HECW2: variants seen among roughly 807,000 people sequenced by gnomAD.
The protein encoded by HECW2 is HECT, C2 and WW domain containing E3 ubiquitin protein ligase 2, also known as E3 ubiquitin-protein ligase HECW2.
In HECW2, 61 loss-of-function variants were observed where a neutral mutation model predicts 175.2. That is an observed-to-expected ratio of 0.35 (90% CI 0.28 to 0.43). HECW2 has a LOEUF of 0.43. HECW2 is among the 20% of genes least tolerant of loss of function. HECW2 has a pLI of 1.00. For missense variants in HECW2, 1,524 were observed against 2,000.5 expected (o/e 0.76, Z 4.54); for synonymous variants, 671 against 731.0 (o/e 0.92, Z 1.32).
chr2:196,269,518 A>AAAAAAAAAAAAT (rs1689648013), intron 17 of HECW2: 1 of 150,974 alleles, frequency 6.6e-6, no homozygotes, highest in African/African-American at 2.4e-5. Context: ...AAAAAAAAAA[A>AAAAAAAAAAAAT]AAAGACATGA....
At chr2:196,495,429 A>G (rs1687356917) in intron 1 of HECW2, among the ~76,000 whole-genome samples, 1 of 152,190 alleles carries the variant, frequency 6.6e-6, no homozygotes, top group Non-Finnish European at 1.5e-5. Flanking sequence ...TATGTAACAT[A>G]AAAATACCAT....
chr2:196,279,629 G>C (rs1300753987), intron 14 of HECW2, among the ~76,000 whole-genome samples: 4 of 152,058 alleles, frequency 2.6e-5, no homozygotes, highest in Non-Finnish European at 5.9e-5. Context: ...GCTTCTCATG[G>C]CTATCCATTG....
At chr2:196,372,507 G>A (rs1693935861) in intron 2 of HECW2, among the ~76,000 whole-genome samples, 1 of 152,178 alleles carries the variant, frequency 6.6e-6, no homozygotes, top group Admixed American at 6.5e-5. Flanking sequence ...TAAACATGGT[G>A]TTTATAAAAG....
At chr2:196,314,457 T>C (rs901293511) in intron 10 of HECW2, among the ~76,000 whole-genome samples, 28 of 152,232 alleles carry the variant, frequency 1.8e-4, no homozygotes, top group African/African-American at 6.8e-4. Flanking sequence ...GGCCCTTCCC[T>C]TCCAATCTCA....
chr2:196,254,405 T>G (rs1688971611), intron 18 of HECW2, among the ~76,000 whole-genome samples: 1 of 152,252 alleles, frequency 6.6e-6, no homozygotes, highest in African/African-American at 2.4e-5. Context: ...ATGTTCTATA[T>G]CCTCATTCCA....
At chr2:196,494,267 CGGGGGCT>C (rs1687303083) in intron 1 of HECW2, among the ~76,000 whole-genome samples, 1 of 152,044 alleles carries the variant, frequency 6.6e-6, no homozygotes, top group Non-Finnish European at 1.5e-5. Context: ...GATATGCTGG[CGGGGGCT>C]GGGAAGAGCC....
At chr2:196,439,110 A>G (rs1459415967) in intron 1 of HECW2, among the ~76,000 whole-genome samples, 2 of 152,224 alleles carry the variant, frequency 1.3e-5, no homozygotes, top group African/African-American at 4.8e-5. Flanking sequence ...TACCTATTAA[A>G]TGGAAGTAAT....
intron 2 of HECW2, among the ~76,000 whole-genome samples, chr2:196,424,134 T>C (rs1695479252): frequency 6.6e-6 from 1 of 152,090 alleles, no homozygotes. Flanking sequence ...CCTGTCGTGA[T>C]GATCTCTGAT....
rs991399925 is a variant in HECW2, at chr2:196,406,151, C to T, written c.292+26981G>A. 3.0e-4 allele frequency among the ~76,000 whole-genome samples: 46 copies of T among 152,092 alleles called. 1 individual carries two copies. The highest frequency in any genetic ancestry group is 3.9e-4 in the Admixed American group (6 of 15,278). Reference sequence around the variant, plus strand: ...AGCTCCATCTATGTGCCAGTGATTCCTACACTAGAGATTTGCAGACCCAGC... The same window carrying T: ...AGCTCCATCTATGTGCCAGTGATTCTTACACTAGAGATTTGCAGACCCAGC... On this transcript the variant is annotated intron_variant, in intron 2 of 28. Transcript: ENST00000644978.
At chr2:196,277,851 C>G (rs892786254) in intron 15 of HECW2, among the ~76,000 whole-genome samples, 4 of 151,350 alleles carry the variant, frequency 2.6e-5, no homozygotes, top group South Asian at 2.1e-4. Context: ...AGCTGGAAAC[C>G]ATCATTCTCA....
rs1337503470 is a variant in HECW2, at chr2:196,319,604, G to C, written c.1286C>G (p.Ser429Cys). The change falls in exon 9 of 29, where the codon TCC (serine) becomes TGC (cysteine). Residue 429 changes from serine (S) to cysteine (C), a missense_variant. Coordinates refer to ENST00000644978, the MANE Select transcript of HECW2 (RefSeq NM_001348768.2). ...YLDAIEHNGH[S>C]RPGTATCSER... The stretch of plus-strand genomic sequence containing the variant: ...AGAGCAGGTCGCTGTCCCCGGCCTG[G>C]AGTGGCCATTGTGTTCGATAGCATC... The C allele has an allele frequency of 6.2e-7, 1 of 1,614,204 alleles. No homozygotes were observed. Among genetic ancestry groups the C allele is most frequent in the African/African-American group, 1.3e-5 (1 of 75,054 alleles).
chr2:196,370,044 G>A (rs533524828), intron 2 of HECW2, among the ~76,000 whole-genome samples: 26 of 152,040 alleles, frequency 1.7e-4, no homozygotes, highest in African/African-American at 2.7e-4. Context: ...TAAGCAGTAA[G>A]ACAAAGTCCC....
intron 19 of HECW2, among the ~76,000 whole-genome samples, chr2:196,247,288 T>C (rs1310743739): frequency 6.6e-6 from 1 of 152,182 alleles, no homozygotes; most frequent in Non-Finnish European, 1.5e-5. Flanking sequence ...CAGTAAATTA[T>C]GCTGTTGGCC....
At chr2:196,306,200 T>C (rs1395616405) in intron 13 of HECW2, among the ~76,000 whole-genome samples, 1 of 152,186 alleles carries the variant, frequency 6.6e-6, no homozygotes, top group East Asian at 1.9e-4. Flanking sequence ...AGACACCATA[T>C]CTGCCAGTGC....
intron 1 of HECW2, among the ~76,000 whole-genome samples, chr2:196,514,830 A>G (rs906410669): frequency 1.3e-5 from 2 of 152,074 alleles, no homozygotes; most frequent in African/African-American, 2.4e-5. Context: ...TGCCTTGCTC[A>G]CCCTCCAGTT....
intron 21 of HECW2, among the ~76,000 whole-genome samples, chr2:196,234,054 T>A (rs1688151911): frequency 6.6e-6 from 1 of 152,176 alleles, no homozygotes; most frequent in South Asian, 2.1e-4. Flanking sequence ...AGTCAAAGTG[T>A]GGCTCTGCAA....
At chr2:196,301,475 C>A (rs750657072) in intron 13 of HECW2, among the ~76,000 whole-genome samples, 15 of 152,214 alleles carry the variant, frequency 9.9e-5, no homozygotes, top group Admixed American at 5.9e-4. Flanking sequence ...AATGGTTGAA[C>A]TAATTTACAC....
At chr2:196,368,717 G>A (rs1693823617) in intron 2 of HECW2, among the ~76,000 whole-genome samples, 1 of 151,898 alleles carries the variant, frequency 6.6e-6, no homozygotes, top group African/African-American at 2.4e-5. Flanking sequence ...CTGTCTTCAA[G>A]ATAATTTTTT....
intron 26 of HECW2, 150 bp downstream of exon 26, chr2:196,219,889 G>A: frequency 1.6e-6 from 1 of 610,384 alleles, no homozygotes; most frequent in Non-Finnish European, 2.9e-6. Context: ...AGAAGAGAAT[G>A]TACCTTGCCC....
Sources: gnomAD v4.1 joint callset for allele counts (sites outside exome capture counted in the v4.1 genomes callset) on GRCh38, gnomAD v4.1.1 for gene constraint, MANE v1.5 for transcripts, NCBI Gene and HGNC (gene_info 2026-07-23, HGNC 2026-07-21) for gene names.